The following ZNF174 variants were observed in gnomAD, a reference collection of about 807,000 sequenced individuals.
The protein encoded by ZNF174 is AW-1.
In ZNF174, 30 loss-of-function variants were observed where a neutral mutation model predicts 38.7. That is an observed-to-expected ratio of 0.78 (90% CI 0.58 to 1.05). The LOEUF (loss-of-function observed/expected upper bound fraction) is 1.05, where lower values mean the gene tolerates loss of function less well. Ranked by LOEUF, ZNF174 falls within the 50% of genes least tolerant of loss-of-function variation. ZNF174 has a pLI of 0.00. For synonymous variants in ZNF174, 201 were observed against 181.7 expected (o/e 1.11, Z -0.86); for missense variants, 499 against 495.6 (o/e 1.01, Z -0.06).
At position 3,408,372 on chromosome 16, in the gene ZNF174, C is replaced by A; in HGVS notation, c.677C>A (p.Ala226Asp). Residue 226 changes from alanine to aspartate, a missense_variant, in exon 3 of 3, where the codon GCT becomes GAT. Ala to Asp is a moderately radical substitution (Grantham distance 126, BLOSUM62 -2). Transcript: ENST00000268655. ...DNKENPQQEGAKGAKPCAVSA... is the reference protein window; with the variant it reads ...DNKENPQQEGDKGAKPCAVSA... ...AAGGAAAATCCACAACAGGAAGGGG[C>A]TAAAGGAGCAAAGCCATGTGCAGTG... The A allele has an allele frequency of 6.2e-7, 1 of 1,613,586 alleles. No homozygotes were observed. The highest frequency in any genetic ancestry group is 1.1e-5 in the South Asian group (1 of 91,014).
At chr16:3,403,381 G>A (rs1474979344) in intron 1 of ZNF174, among the ~76,000 whole-genome samples, 1 of 151,668 alleles carries the variant, frequency 6.6e-6, no homozygotes, top group African/African-American at 2.4e-5. Context: ...ATGTTGGCCA[G>A]GCTAGTCTCG....
At chr16:3,406,156 C>T (rs1366169847) in intron 2 of ZNF174, among the ~76,000 whole-genome samples, 7 of 152,134 alleles carry the variant, frequency 4.6e-5, no homozygotes, top group African/African-American at 7.2e-5. Flanking sequence ...AGGCATTGTA[C>T]GGATATATTA....
Position 3,408,322 on chromosome 16 carries a change from G to C in ZNF174, c.627G>C (p.Glu209Asp). 6.4e-7 allele frequency: 1 copy of C among 1,570,650 alleles called. No individual in the cohort carries two copies. Among genetic ancestry groups the C allele is most frequent in the South Asian group, 1.2e-5 (1 of 85,328 alleles). Residue 209 changes from glutamate to aspartate, a missense_variant and splice_region_variant, in exon 3 of 3, where the codon GAG becomes GAC. By Grantham distance (45) the Glu-to-Asp change is conservative. Transcript: ENST00000268655. The part of the protein sequence containing the change: ...QEPTPKLAGT[E>D]APRMRSDNKE... ...GAAGCATTTTCTTTCTAATTATAGAGGCCCCCAGAATGAGAAGTGACAACA... is the reference window on the plus strand; with the variant it reads ...GAAGCATTTTCTTTCTAATTATAGACGCCCCCAGAATGAGAAGTGACAACA...
In ZNF174 at chr16:3,408,799, C is replaced by A. The variant is rs1198117113; in HGVS notation, c.1104C>A (p.Thr368=). Residue 368 remains threonine (T), a synonymous_variant, in exon 3 of 3, where the codon ACC becomes ACA. Coordinates refer to ENST00000268655, the MANE Select transcript of ZNF174 (RefSeq NM_003450.3). The part of the protein sequence containing the change: ...ECGNCFGRQS[T]LKLHQRIHTG... ...GAAACTGCTTTGGGCGGCAGTCAAC[C>A]CTGAAGCTGCACCAGAGGATCCACA... 1 of 1,613,760 alleles carries A rather than the reference C, an allele frequency of 6.2e-7. No individual in the cohort carries two copies. Among genetic ancestry groups the A allele is most frequent in the Non-Finnish European group, 8.5e-7 (1 of 1,179,942 alleles).
rs1426964023 is a variant in ZNF174 at position 3,404,658 on chromosome 16, C to T, written c.625+10C>T. ...AAATTGGCTGGGACAGGTAAACACT[C>T]TGCCTTTTCTCTCCCTCTCATCAGC... On this transcript the variant is annotated intron_variant, in intron 2 of 2. Coordinates refer to ENST00000268655, the MANE Select transcript of ZNF174 (RefSeq NM_003450.3). 1 of 1,614,000 alleles carries T rather than the reference C, an allele frequency of 6.2e-7. No individual in the cohort carries two copies. The highest frequency in any genetic ancestry group is 1.7e-5 in the Admixed American group (1 of 60,032).
chr16:3,403,560 C>T lies in ZNF174; in HGVS notation c.403-866C>T, dbSNP rs117695211. Among the ~76,000 whole-genome samples the T allele has an allele frequency of 5.6e-3, 840 of 150,614 alleles. 4 individuals are homozygous for T. The highest frequency in any genetic ancestry group is 0.017 in the Middle Eastern group (5 of 290). ...GGAGGGCAGTGGCACGATCTCAGCT[C>T]GCTGCAACCTCCATGTCCAGCTCAA... On this transcript the variant is annotated intron_variant, in intron 1 of 2. Transcript: ENST00000268655.
chr16:3,403,451 G>A (rs11646616), intron 1 of ZNF174, among the ~76,000 whole-genome samples: 39 of 151,124 alleles, frequency 2.6e-4, no homozygotes, highest in Non-Finnish European at 4.1e-4. Context: ...GATTACAGGC[G>A]TGAGCCACCA....
chr16:3,402,651 G>C (rs1487883773), intron 1 of ZNF174, among the ~76,000 whole-genome samples: 4 of 151,904 alleles, frequency 2.6e-5, no homozygotes, highest in African/African-American at 9.6e-5. Flanking sequence ...GTAGAGACAG[G>C]GTTTCACCGT....
At chr16:3,403,019 C>T (rs1322185874) in intron 1 of ZNF174, among the ~76,000 whole-genome samples, 1 of 152,134 alleles carries the variant, frequency 6.6e-6, no homozygotes, top group East Asian at 1.9e-4. Flanking sequence ...TCTTCCCCCA[C>T]CCAACTTAGT....
intron 2 of ZNF174, among the ~76,000 whole-genome samples, chr16:3,406,868 G>A (rs191664360): frequency 4.1e-4 from 62 of 152,176 alleles, no homozygotes; most frequent in African/African-American, 1.3e-3. Context: ...GTACAGCTAT[G>A]GTTTCTTCAA....
intron 1 of ZNF174, among the ~76,000 whole-genome samples, chr16:3,403,150 C>CTTTTTTTTTT (rs753071209): frequency 1.3e-4 from 4 of 30,974 alleles, no homozygotes; most frequent in African/African-American, 4.4e-4. Context: ...AGCTTATAGT[C>CTTTTTTTTTT]TTTTTTTTTT....
intron 1 of ZNF174, 79 bp from the exon 2 acceptor site, chr16:3,404,347 C>A: frequency 7.2e-7 from 1 of 1,395,966 alleles, no homozygotes. Flanking sequence ...CCAAGGTAAA[C>A]GGGTCATTAT....
At chr16:3,404,293 G>T in intron 1 of ZNF174, 133 bp from the exon 2 acceptor site, 1 of 859,236 alleles carries the variant, frequency 1.2e-6, no homozygotes. Context: ...GAGGGTTTCA[G>T]TGGTTTCTAT....
rs1238561131 is a variant in ZNF174 at position 3,408,366 on chromosome 16, A to G, written c.671A>G (p.Glu224Gly). 1 of 1,609,336 alleles carries G rather than the reference A, an allele frequency of 6.2e-7. No individual in the cohort carries two copies. Among genetic ancestry groups the G allele is most frequent in the Non-Finnish European group, 8.5e-7 (1 of 1,177,882 alleles). Residue 224 changes from glutamate (E) to glycine (G), a missense_variant, in exon 3 of 3, where the codon GAA becomes GGA. Transcript: ENST00000268655. ...RSDNKENPQQ[E>G]GAKGAKPCAV... ...GACAACAAGGAAAATCCACAACAGG[A>G]AGGGGCTAAAGGAGCAAAGCCATGT...
In ZNF174 at chr16:3,401,891, T is replaced by G; in HGVS notation, c.-114T>G. 11 of 1,342,196 alleles carry G rather than the reference T, an allele frequency of 8.2e-6. No individual in the cohort carries two copies. Among genetic ancestry groups the G allele is most frequent in the Non-Finnish European group, 1.0e-5 (10 of 977,292 alleles). The allele number at this position is 1,342,196 out of a possible 1,614,324, so 83.1% of individuals were successfully genotyped here. A position where few individuals can be genotyped will look rare whatever the true frequency, so the allele number is the denominator to read the frequency against. On this transcript the variant is annotated 5_prime_UTR_variant, in exon 1 of 3. Transcript: ENST00000268655. Reference sequence around the variant, plus strand: ...TCTCTGCATCCCGTTCCCCCTAACATCCTCAGAGAACCTTCGTTTCTAGAA... The same window carrying G: ...TCTCTGCATCCCGTTCCCCCTAACAGCCTCAGAGAACCTTCGTTTCTAGAA...
chr16:3,403,567 A>G (rs1047733873), intron 1 of ZNF174, among the ~76,000 whole-genome samples: 2 of 145,606 alleles, frequency 1.4e-5, no homozygotes, highest in African/African-American at 2.5e-5. Flanking sequence ...GCTCGCTGCA[A>G]CCTCCATGTC....
chr16:3,402,250 G>A lies in ZNF174; in HGVS notation c.246G>A (p.Lys82=), dbSNP rs2033932688. 6.2e-7 allele frequency: 1 copy of A among 1,614,018 alleles called. No individual in the cohort carries two copies. Among genetic ancestry groups the A allele is most frequent in the African/African-American group, 1.3e-5 (1 of 74,912 alleles). Residue 82 remains lysine, a synonymous_variant, in exon 1 of 3, where the codon AAG becomes AAA. Transcript: ENST00000268655. ...RQWLQPELHT[K]EQILELLVME... ...GGTTGCAACCCGAGCTGCACACCAAGGAGCAGATTTTGGAGCTTCTGGTGA... is the reference window on the plus strand; with the variant it reads ...GGTTGCAACCCGAGCTGCACACCAAAGAGCAGATTTTGGAGCTTCTGGTGA...
At chr16:3,406,681 CTTATGTGTAAT>C (rs1211292372) in intron 2 of ZNF174, among the ~76,000 whole-genome samples, 2 of 152,114 alleles carry the variant, frequency 1.3e-5, no homozygotes, top group East Asian at 1.9e-4. Flanking sequence ...ATACTAGACC[CTTATGTGTAAT>C]TTGCAAATCT....
intron 2 of ZNF174, among the ~76,000 whole-genome samples, chr16:3,406,301 T>A (rs2150924679): frequency 6.6e-6 from 1 of 152,356 alleles, no homozygotes; most frequent in East Asian, 1.9e-4. Context: ...CTTGAGTATA[T>A]ACCTAGGAGT....
Sources: allele counts gnomAD v4.1 joint callset (sites outside exome capture counted in the v4.1 genomes callset), GRCh38; gene constraint gnomAD v4.1.1; transcripts MANE v1.5; gene names NCBI Gene and HGNC (gene_info 2026-07-23, HGNC 2026-07-21).